Variants in PSMD1 observed in about 807,000 individuals in gnomAD.
PSMD1 encodes 26S proteasome non-ATPase regulatory subunit 1.
In PSMD1, 18 loss-of-function variants were observed where a neutral mutation model predicts 119.0. That is an observed-to-expected ratio of 0.15 (90% confidence interval 0.10 to 0.22). The LOEUF (loss-of-function observed/expected upper bound fraction) is 0.22, where lower values mean the gene tolerates loss of function less well. PSMD1 is among the 10% of genes least tolerant of loss of function. PSMD1 has a pLI of 1.00. For missense variants in PSMD1, 702 were observed against 1,158.5 expected (o/e 0.61, Z 5.72); for synonymous variants, 374 against 396.6 (o/e 0.94, Z 0.68).
In PSMD1 at chr2:231,110,105, A is replaced by G. The variant is rs989073101; in HGVS notation, c.1883+22924A>G. On this transcript the variant is annotated intron_variant, in intron 16 of 24. Transcript: ENST00000308696. Reference sequence around the variant, plus strand: ...AGGCCAAGTGGGGGTGGATTACTTGAGGTCAGGAGTTTGAGACAAGCCTGG... The same window carrying G: ...AGGCCAAGTGGGGGTGGATTACTTGGGGTCAGGAGTTTGAGACAAGCCTGG... 5.9e-5 allele frequency among the ~76,000 whole-genome samples: 9 copies of G among 152,252 alleles called. No homozygotes were observed. In the East Asian group the frequency reaches 1.7e-3, roughly 29 times the overall value.
chr2:231,096,156 G>A (rs1400688159), intron 16 of PSMD1, among the ~76,000 whole-genome samples: 7 of 152,176 alleles, frequency 4.6e-5, no homozygotes, highest in Non-Finnish European at 8.8e-5. Context: ...ATGGGTTCAT[G>A]TACCTGATTG....
chr2:231,072,248 G>A lies in PSMD1; in HGVS notation c.714G>A (p.Lys238=), dbSNP rs779139198. The A allele has an allele frequency of 6.2e-7, 1 of 1,613,962 alleles. No homozygotes were observed. Among genetic ancestry groups the A allele is most frequent in the South Asian group, 1.1e-5 (1 of 91,072 alleles). The change falls in exon 7 of 25, where the codon AAG becomes AAA. Residue 238 remains lysine (K), a synonymous_variant. Transcript: ENST00000308696. The stretch of plus-strand genomic sequence containing the variant: ...GTGATATCTTAGAGAAACTGGTAAA[G>A]GAAGACAACCTCCTGATGGCATATC... ...AVSDILEKLV[K]EDNLLMAYQI... is the part of the protein sequence containing the mutation.
intron 9 of PSMD1, among the ~76,000 whole-genome samples, chr2:231,077,536 G>A (rs1694198252): frequency 1.3e-5 from 2 of 151,678 alleles, no homozygotes; most frequent in African/African-American, 4.8e-5. Context: ...CAATAAATCT[G>A]TGTTTTTCTT....
At position 231,078,695 on chromosome 2, in the gene PSMD1, G is replaced by A. The variant is rs760657479; in HGVS notation, c.1108G>A (p.Val370Ile). 12 of 1,608,550 alleles carry A rather than the reference G, an allele frequency of 7.5e-6. No individual in the cohort carries two copies. The highest frequency in any genetic ancestry group is 1.0e-5 in the Non-Finnish European group (12 of 1,178,096). Reference protein sequence around the residue: ...VRNSVCHTATVIANSFMHCGT... With the variant: ...VRNSVCHTATIIANSFMHCGT... ...GAATTCTGTATGTCATACTGCAACC[G>A]TTATAGCAAACTCTTTTATGCACTG... Residue 370 changes from valine (V) to isoleucine (I), a missense_variant, in exon 10 of 25, where the codon GTT (valine) becomes ATT (isoleucine). Physicochemically the swap from Val to Ile is conservative, Grantham distance 29. This residue lies in a region of PSMD1 where 272 missense variants were observed against 511.6 expected (regional missense o/e 0.53). Coordinates refer to ENST00000308696, the MANE Select transcript of PSMD1 (RefSeq NM_002807.4).
At chr2:231,075,651 C>G (rs1434759770) in intron 8 of PSMD1, 80 bp downstream of exon 8, 23 of 1,270,946 alleles carry the variant, frequency 1.8e-5, no homozygotes, top group African/African-American at 3.1e-5. Flanking sequence ...GCGGTCTCGG[C>G]TCACTACAAC....
At chr2:231,094,170 T>C (rs762436015) in intron 16 of PSMD1, among the ~76,000 whole-genome samples, 5 of 152,014 alleles carry the variant, frequency 3.3e-5, no homozygotes, top group Non-Finnish European at 5.9e-5. Context: ...TAACACGTGT[T>C]GAAGGAGGGG....
At chr2:231,057,101 C>T in intron 1 of PSMD1, 60 bp downstream of exon 1, 1 of 1,468,708 alleles carries the variant, frequency 6.8e-7, no homozygotes, top group Non-Finnish European at 9.0e-7. Context: ...CGGCTTTTAG[C>T]TGAGTCAGGG....
At chr2:231,076,067 G>C (rs1167049998) in intron 8 of PSMD1, among the ~76,000 whole-genome samples, 1 of 152,082 alleles carries the variant, frequency 6.6e-6, no homozygotes, top group African/African-American at 2.4e-5. Flanking sequence ...TTTAAAAATT[G>C]ATCCGAAGAA....
intron 16 of PSMD1, among the ~76,000 whole-genome samples, chr2:231,125,326 G>T (rs961688947): frequency 1.3e-5 from 2 of 152,148 alleles, no homozygotes; most frequent in African/African-American, 4.8e-5. Flanking sequence ...TTTGTTTGGG[G>T]TTAAGCCTGA....
chr2:231,100,307 A>G (rs1223936393), intron 16 of PSMD1, among the ~76,000 whole-genome samples: 3 of 152,168 alleles, frequency 2.0e-5, no homozygotes, highest in African/African-American at 4.8e-5. Flanking sequence ...TGGACAAGGG[A>G]GGGGAAGGGG....
chr2:231,115,111 GAAC>G (rs1252102526), intron 16 of PSMD1, among the ~76,000 whole-genome samples: 2 of 151,408 alleles, frequency 1.3e-5, no homozygotes, highest in Non-Finnish European at 2.9e-5. Flanking sequence ...CAGGATTACA[GAAC>G]AACAAGAGAC....
At chr2:231,131,383 A>G (rs773974564) in intron 16 of PSMD1, among the ~76,000 whole-genome samples, 1 of 152,162 alleles carries the variant, frequency 6.6e-6, no homozygotes, top group Non-Finnish European at 1.5e-5. Context: ...AGTTTATATC[A>G]TATATCTCTG....
chr2:231,106,574 C>T (rs1200275724), intron 16 of PSMD1, among the ~76,000 whole-genome samples: 1 of 151,900 alleles, frequency 6.6e-6, no homozygotes, highest in Non-Finnish European at 1.5e-5. Context: ...GCCAAGATTG[C>T]GCCACTGCAC....
At chr2:231,108,464 A>G in intron 16 of PSMD1, 2 of 1,299,870 alleles carry the variant, frequency 1.5e-6, no homozygotes, top group Non-Finnish European at 2.2e-6. Flanking sequence ...GCACATTTAC[A>G]TCTCATTCAT....
intron 21 of PSMD1, among the ~76,000 whole-genome samples, chr2:231,164,394 C>T (rs904642017): frequency 1.8e-4 from 27 of 152,102 alleles, no homozygotes; most frequent in African/African-American, 5.6e-4. Context: ...AAGAATAATA[C>T]ATTAAAGAGT....
rs747476966 is a variant in PSMD1, at chr2:231,066,899, TCAA to T, written c.305-4_305-2del. On this transcript the variant is annotated splice_region_variant and splice_polypyrimidine_tract_variant and intron_variant, in intron 4 of 24. Coordinates refer to ENST00000308696, the MANE Select transcript of PSMD1 (RefSeq NM_002807.4). ...CAAGATAATCAGTTATTTTATTTCC[TCAA>T]CAGCAAAATGCATTGATCACTACAC... is the stretch of plus-strand genomic sequence containing the variant. 8.2e-6 allele frequency: 13 copies of T among 1,577,746 alleles called. No homozygotes were observed. Among genetic ancestry groups the T allele is most frequent in the Non-Finnish European group, 1.0e-5 (12 of 1,166,130 alleles).
intron 19 of PSMD1, among the ~76,000 whole-genome samples, chr2:231,154,660 G>T (rs899509758): frequency 3.0e-4 from 46 of 152,088 alleles, no homozygotes; most frequent in African/African-American, 1.0e-3. Flanking sequence ...GTAGAGATAG[G>T]ATCTCACTAT....
rs115519644 is a variant in PSMD1, at chr2:231,146,421, C to T, written c.2115+65C>T. The T allele has an allele frequency of 1.1e-3, 1,363 of 1,244,212 alleles. 9 individuals carry two copies. The African/African-American group carries it at 0.018, about 16-fold the overall frequency. 77.1% of individuals were successfully genotyped at this position (1,244,212 alleles called of 1,614,324 possible). ...GGTCTTTTCTTTAGTAACTTATCGT[C>T]TTTTGAGGACGTTTTTTAGTTCAAA... On this transcript the variant is annotated intron_variant, in intron 18 of 24. Transcript: ENST00000308696.
At chr2:231,137,593 TTATGTGTGTATA>T (rs1424271458) in intron 16 of PSMD1, among the ~76,000 whole-genome samples, 1 of 152,176 alleles carries the variant, frequency 6.6e-6, no homozygotes, top group Non-Finnish European at 1.5e-5. Context: ...TGCAGGTTTG[TTATGTGTGTATA>T]TAGTGTGATG....
Sources: gnomAD v4.1 joint callset for allele counts (sites outside exome capture counted in the v4.1 genomes callset) on GRCh38, gnomAD v4.1.1 for gene constraint, gnomAD v4.1.1 regional missense constraint, MANE v1.5 for transcripts, NCBI Gene and HGNC (gene_info 2026-07-23, HGNC 2026-07-21) for gene names.